The following LRRCC1 variants were observed in gnomAD, a reference collection of about 807,000 sequenced individuals.
LRRCC1 encodes the protein leucine rich repeat and coiled-coil centrosomal protein 1, also known as leucine-rich repeat and coiled-coil domain-containing protein 1.
LRRCC1 carries 115 observed loss-of-function variants against 126.0 expected under a neutral mutation model. That is an observed-to-expected ratio of 0.91 (90% CI 0.78 to 1.07). The LOEUF (loss-of-function observed/expected upper bound fraction) is 1.07, where lower values mean the gene tolerates loss of function less well. Among genes scored for constraint, LRRCC1 ranks in the 50% least tolerant of loss-of-function variants. The pLI is 0.00. For missense variants in LRRCC1, 1,172 were observed against 1,175.7 expected, an observed-to-expected ratio of 1.00 and a Z score of 0.05; for synonymous variants, 400 against 393.4, an observed-to-expected ratio of 1.02 and a Z score of -0.20.
chr8:85,141,498 T>C lies in LRRCC1; in HGVS notation c.2957T>C (p.Ile986Thr), dbSNP rs367962551. 1.9e-6 allele frequency: 3 copies of C among 1,609,622 alleles called. No homozygotes were observed. The African/African-American group carries it at 4.0e-5, about 22-fold the overall frequency. Residue 986 changes from isoleucine (I) to threonine (T), a missense_variant, in exon 18 of 19, where the codon ATT (isoleucine) becomes ACT (threonine). Coordinates refer to ENST00000360375, the MANE Select transcript of LRRCC1 (RefSeq NM_033402.5). ...CTGGCCAATGAAAAGCAGAAGTGTA[T>C]TGATTCTGCAAATTTAAAGGTATTG... Reference protein sequence around the residue: ...AQLANEKQKCIDSANLKVHQI... With the variant: ...AQLANEKQKCTDSANLKVHQI...
intron 3 of LRRCC1, among the ~76,000 whole-genome samples, chr8:85,112,490 C>G (rs566111463): frequency 1.3e-5 from 2 of 152,074 alleles, no homozygotes. Flanking sequence ...TAAGCTTGTG[C>G]GAGAAATATT....
Position 85,145,697 on chromosome 8 carries a change from T to C in LRRCC1, c.*186T>C. On this transcript the variant is annotated 3_prime_UTR_variant, in exon 19 of 19. Transcript: ENST00000360375. ...GTATAGGTTTTTTATAATAAATTGT[T>C]GACAATTTTGTCTATTAGAAAAAAC... 2.6e-6 allele frequency: 1 copy of C among 383,922 alleles called. No homozygotes were observed. The highest frequency in any genetic ancestry group is 4.4e-6 in the Non-Finnish European group (1 of 225,428). The allele number at this position is 383,922 out of a possible 1,614,324, so 23.8% of individuals were successfully genotyped here.
intron 4 of LRRCC1, among the ~76,000 whole-genome samples, chr8:85,114,421 T>C (rs1383459666): frequency 6.6e-6 from 1 of 152,148 alleles, no homozygotes; most frequent in East Asian, 1.9e-4. Context: ...CAGACTTCTT[T>C]CTTACTTTCG....
intron 1 of LRRCC1, chr8:85,109,155 C>CA (rs551030656): frequency 1.0e-4 from 16 of 157,382 alleles, no homozygotes; most frequent in Non-Finnish European, 2.2e-4. Flanking sequence ...TTAAGATACC[C>CA]ACTGCTTAGA....
At chr8:85,134,215 T>C (rs538222176) in intron 12 of LRRCC1, among the ~76,000 whole-genome samples, 34 of 152,372 alleles carry the variant, frequency 2.2e-4, no homozygotes, top group African/African-American at 8.2e-4. Flanking sequence ...AAGCATATAG[T>C]ATCATCTAAC....
At chr8:85,121,293 T>C (rs1007684856) in intron 6 of LRRCC1, among the ~76,000 whole-genome samples, 1 of 152,222 alleles carries the variant, frequency 6.6e-6, no homozygotes, top group African/African-American at 2.4e-5. Context: ...ACTGTAATTA[T>C]TAATGAAGTT....
intron 9 of LRRCC1, among the ~76,000 whole-genome samples, chr8:85,128,550 G>A (rs1269025052): frequency 1.3e-5 from 2 of 151,484 alleles, no homozygotes; most frequent in Non-Finnish European, 2.9e-5. Flanking sequence ...GCCATGCTGT[G>A]AGTATATACA....
intron 9 of LRRCC1, 49 bp from the exon 10 acceptor site, chr8:85,129,126 A>C: frequency 7.4e-7 from 1 of 1,351,634 alleles, no homozygotes; most frequent in Non-Finnish European, 1.0e-6. Flanking sequence ...CAATTTTATC[A>C]TTTTTATATG....
intron 4 of LRRCC1, among the ~76,000 whole-genome samples, chr8:85,114,709 A>C (rs554731489): frequency 6.6e-6 from 1 of 152,290 alleles, no homozygotes; most frequent in East Asian, 1.9e-4. Flanking sequence ...CATTATCCAC[A>C]TCATCCTGCT....
chr8:85,136,093 A>G, intron 14 of LRRCC1, 130 bp downstream of exon 14: 1 of 678,970 alleles, frequency 1.5e-6, no homozygotes, highest in Non-Finnish European at 2.2e-6. Flanking sequence ...ATCTGGAAGG[A>G]TAAGTAGGCA....
rs998908874 is a variant in LRRCC1 at position 85,135,615 on chromosome 8, T to G, written c.2155-174T>G. On this transcript the variant is annotated intron_variant, in intron 13 of 18. Coordinates refer to ENST00000360375, the MANE Select transcript of LRRCC1 (RefSeq NM_033402.5). Reference sequence around the variant, plus strand: ...AAAGGAGTGGTATCTTAAATTCGACTGTTTATTTCATGACCTACATTTGTC... The same window carrying G: ...AAAGGAGTGGTATCTTAAATTCGACGGTTTATTTCATGACCTACATTTGTC... 6.6e-5 allele frequency among the ~76,000 whole-genome samples: 10 copies of G among 152,276 alleles called. No homozygotes were observed. The South Asian group carries it at 1.2e-3, about 19-fold the overall frequency.
chr8:85,145,860 C>G lies in LRRCC1; in HGVS notation c.*349C>G, dbSNP rs1410343630. On this transcript the variant is annotated 3_prime_UTR_variant, in exon 19 of 19. Coordinates refer to ENST00000360375, the MANE Select transcript of LRRCC1 (RefSeq NM_033402.5). ...GGTAAAACATTTTAATCATTGTTAT[C>G]TTATTGTGATGATGAAGAACTAATT... 6.5e-6 allele frequency: 1 copy of G among 153,998 alleles called. No individual in the cohort carries two copies. The highest frequency in any genetic ancestry group is 2.4e-5 in the African/African-American group (1 of 41,454). The allele number at this position is 153,998 out of a possible 1,614,324, so 9.5% of individuals were successfully genotyped here.
At position 85,134,916 on chromosome 8, in the gene LRRCC1, C is replaced by A. The variant is rs368500807; in HGVS notation, c.2038C>A (p.Arg680=). The A allele has an allele frequency of 6.3e-7, 1 of 1,595,040 alleles. No individual in the cohort carries two copies. The highest frequency in any genetic ancestry group is 2.3e-5 in the East Asian group (1 of 43,908). The change falls in exon 13 of 19, where the codon CGA becomes AGA. Residue 680 remains arginine (R), a synonymous_variant. Coordinates refer to ENST00000360375, the MANE Select transcript of LRRCC1 (RefSeq NM_033402.5). The part of the protein sequence containing the change: ...KSKHALIWAQ[R]KENESSSLIK... ...CAAACATGCTCTTATTTGGGCTCAA[C>A]GAAAAGAAAATGAGTCTTCCTCTTT...
Position 85,110,118 on chromosome 8 carries a change from T to C in LRRCC1, c.314T>C (p.Leu105Pro). The change falls in exon 3 of 19, where the codon CTT (leucine) becomes CCT (proline). Residue 105 changes from leucine to proline, a missense_variant. Transcript: ENST00000360375. ...TTATTTTACTTTTTTTTTTTAGGAC[T>C]TGAAGAACTAATTAATCTGACTAGA... Reference protein sequence around the residue: ...SCNLITKVEGLEELINLTRLN... With the variant: ...SCNLITKVEGPEELINLTRLN... The C allele has an allele frequency of 8.2e-7, 1 of 1,222,774 alleles. No homozygotes were observed. Among genetic ancestry groups the C allele is most frequent in the Non-Finnish European group, 1.2e-6 (1 of 867,708 alleles). The allele number at this position is 1,222,774 out of a possible 1,614,324, so 75.7% of individuals were successfully genotyped here.
Position 85,138,239 on chromosome 8 carries a change from T to C in LRRCC1, c.2698T>C (p.Tyr900His). Reference sequence around the variant, plus strand: ...AGAACTTGAAGAAATCAGAAAAGCTTACAGGTATTATATAGTACAGTATTT... The same window carrying C: ...AGAACTTGAAGAAATCAGAAAAGCTCACAGGTATTATATAGTACAGTATTT... Reference protein sequence around the residue: ...EVELEEIRKAYSTLNRKWHDK... With the variant: ...EVELEEIRKAHSTLNRKWHDK... Residue 900 changes from tyrosine to histidine, a missense_variant, in exon 16 of 19, where the codon TAC becomes CAC. Transcript: ENST00000360375. 1 of 1,603,522 alleles carries C rather than the reference T, an allele frequency of 6.2e-7. No individual in the cohort carries two copies. Among genetic ancestry groups the C allele is most frequent in the Non-Finnish European group, 8.5e-7 (1 of 1,174,904 alleles).
chr8:85,133,145 C>G (rs1053438937), intron 12 of LRRCC1, among the ~76,000 whole-genome samples: 2 of 152,150 alleles, frequency 1.3e-5, no homozygotes, highest in African/African-American at 4.8e-5. Context: ...ACTAGCATTG[C>G]GCTATCAAAG....
rs770311111 is a variant in LRRCC1 at position 85,138,101 on chromosome 8, A to G, written c.2560A>G (p.Thr854Ala). 1.2e-6 allele frequency: 2 copies of G among 1,604,168 alleles called. No individual in the cohort carries two copies. Reference sequence around the variant, plus strand: ...AAAGATCACAGAAATAGAAAAATGCACTCAAGAACAACTTGATGAAAAATC... The same window carrying G: ...AAAGATCACAGAAATAGAAAAATGCGCTCAAGAACAACTTGATGAAAAATC... Reference protein sequence around the residue: ...QEKITEIEKCTQEQLDEKSSQ... With the variant: ...QEKITEIEKCAQEQLDEKSSQ... Residue 854 changes from threonine (T) to alanine (A), a missense_variant, in exon 16 of 19, where the codon ACT becomes GCT. By Grantham distance (58) the Thr-to-Ala change is moderately conservative. Coordinates refer to ENST00000360375, the MANE Select transcript of LRRCC1 (RefSeq NM_033402.5).
intron 8 of LRRCC1, among the ~76,000 whole-genome samples, chr8:85,126,349 G>C (rs994705394): frequency 1.3e-5 from 2 of 152,046 alleles, no homozygotes; most frequent in African/African-American, 4.8e-5. Context: ...TTGAGGTCAG[G>C]AGTTCGAGAC....
Position 85,137,601 on chromosome 8 carries a change from A to G in LRRCC1, c.2467A>G (p.Thr823Ala). 6.8e-7 allele frequency: 1 copy of G among 1,472,856 alleles called. No individual in the cohort carries two copies. The highest frequency in any genetic ancestry group is 2.6e-5 in the Admixed American group (1 of 38,534). The allele number at this position is 1,472,856 out of a possible 1,614,324, so 91.2% of individuals were successfully genotyped here. A position where few individuals can be genotyped will look rare whatever the true frequency, so the allele number is the denominator to read the frequency against. The change falls in exon 15 of 19, where the codon ACT becomes GCT. Residue 823 changes from threonine to alanine, a missense_variant. Physicochemically the swap from Thr to Ala is moderately conservative, Grantham distance 58. Transcript: ENST00000360375. Reference protein sequence around the residue: ...RIKCKIIDDQTETIRKLKDCL... With the variant: ...RIKCKIIDDQAETIRKLKDCL... Reference sequence around the variant, plus strand: ...AAAGTGCAAAATCATAGACGACCAAACTGAAACTATTAGAAAATTAAAAGA... The same window carrying G: ...AAAGTGCAAAATCATAGACGACCAAGCTGAAACTATTAGAAAATTAAAAGA...
Sources: gnomAD v4.1 joint callset for allele counts (sites outside exome capture counted in the v4.1 genomes callset) on GRCh38, gnomAD v4.1.1 for gene constraint, MANE v1.5 for transcripts, NCBI Gene and HGNC (gene_info 2026-07-23, HGNC 2026-07-21) for gene names.